The following KCNMB3 variants were observed in gnomAD, a reference collection of about 807,000 sequenced individuals.
KCNMB3 encodes calcium-activated potassium channel subunit beta-3.
In KCNMB3, 18 loss-of-function variants were observed where a neutral mutation model predicts 11.9. The observed-to-expected ratio is 1.51, with a 90% CI of 1.04 to 2.23. The LOEUF is 2.23. KCNMB3 is among the 30% of genes most tolerant of loss of function. The pLI, the probability that KCNMB3 is intolerant of heterozygous loss-of-function variation, is 0.00. For synonymous variants in KCNMB3, 78 were observed against 119.2 expected (o/e 0.65, Z 2.25); for missense variants, 247 against 329.4 (o/e 0.75, Z 1.94).
rs1418764438 is a variant in KCNMB3 at position 179,242,835 on chromosome 3, G to A, written c.*69C>T. 30 of 1,508,050 alleles carry A rather than the reference G, an allele frequency of 2.0e-5. No individual in the cohort carries two copies. The highest frequency in any genetic ancestry group is 2.5e-5 in the Non-Finnish European group (28 of 1,130,718). The allele number at this position is 1,508,050 out of a possible 1,614,324, so 93.4% of individuals were successfully genotyped here. A position where few individuals can be genotyped will look rare whatever the true frequency, so the allele number is the denominator to read the frequency against. On this transcript the variant is annotated 3_prime_UTR_variant, in exon 3 of 3. Transcript: ENST00000392685. The stretch of plus-strand genomic sequence containing the variant: ...TTTTACATTATTAGTTTGCAGACAG[G>A]CATAATTAGGTCCTCAGTTGCAGAA...
chr3:179,253,057 A>G (rs1725900206), upstream of KCNMB3, among the ~76,000 whole-genome samples: 4 of 152,090 alleles, frequency 2.6e-5, no homozygotes, highest in Admixed American at 2.6e-4. Flanking sequence ...AATAAATATG[A>G]CAGATTGATT....
Position 179,243,138 on chromosome 3 carries a change from T to A in KCNMB3, c.594A>T (p.Ile198=). 1 of 1,533,560 alleles carries A rather than the reference T, an allele frequency of 6.5e-7. No homozygotes were observed. The highest frequency in any genetic ancestry group is 1.4e-5 in the African/African-American group (1 of 72,440). 95.0% of individuals were successfully genotyped at this position (1,533,560 alleles called of 1,614,324 possible). A position where few individuals can be genotyped will look rare whatever the true frequency, so the allele number is the denominator to read the frequency against. Residue 198 remains isoleucine, a synonymous_variant, in exon 3 of 3, where the codon ATA becomes ATT. Transcript: ENST00000392685. ...AGATAGCCATTTGGTCATACTTTTT[T>A]ATAAGAATGACATCTTCAGATTGGC... ...PASQSEDVIL[I]KKYDQMAIFH... is the part of the protein sequence containing the mutation.
intron 1 of KCNMB3, among the ~76,000 whole-genome samples, chr3:179,262,167 C>G (rs1726234796): frequency 6.6e-6 from 1 of 152,102 alleles, no homozygotes; most frequent in Non-Finnish European, 1.5e-5. Context: ...CCTGAACAAA[C>G]CAGTAGGGTA....
chr3:179,261,363 C>T (rs1342422364), intron 1 of KCNMB3: 2 of 1,143,528 alleles, frequency 1.7e-6, no homozygotes, highest in Admixed American at 4.9e-5. Flanking sequence ...GGGGCGCGCG[C>T]TCTGTCCGCG....
At chr3:179,245,608 G>T (rs62408837) in intron 1 of KCNMB3, among the ~76,000 whole-genome samples, 39,485 of 151,760 alleles carry the variant, frequency 0.26, 6,125 homozygotes, top group African/African-American at 0.43. Flanking sequence ...CAAGCGATTC[G>T]CCTGCCTCAG....
At position 179,242,933 on chromosome 3, in the gene KCNMB3, T is replaced by G. The variant is rs761777843; in HGVS notation, c.799A>C (p.Arg267=). ...QHQFKLCIMR[R]SKGRAEKS is the part of the protein sequence containing the mutation. ...GATTTCTCTGCTCTTCCTTTGCTCC[T>G]CCTCATAATGCACAGTTTGAACTGA... The change falls in exon 3 of 3, where the codon AGG becomes CGG. Residue 267 remains arginine, a synonymous_variant. Coordinates refer to ENST00000392685, the MANE Select transcript of KCNMB3 (RefSeq NM_171830.2). 1.9e-6 allele frequency: 3 copies of G among 1,608,692 alleles called. No homozygotes were observed. Among genetic ancestry groups the G allele is most frequent in the Non-Finnish European group, 2.5e-6 (3 of 1,177,738 alleles).
At chr3:179,245,325 A>C (rs1177523317) in intron 1 of KCNMB3, among the ~76,000 whole-genome samples, 1 of 152,148 alleles carries the variant, frequency 6.6e-6, no homozygotes, top group African/African-American at 2.4e-5. Flanking sequence ...CATACCCACT[A>C]CTTCCAAAGA....
chr3:179,264,898 T>C (rs558825842), intron 1 of KCNMB3, among the ~76,000 whole-genome samples: 2 of 152,362 alleles, frequency 1.3e-5, no homozygotes, highest in Admixed American at 6.5e-5. Context: ...TTCTATTTTT[T>C]AATTACAACA....
upstream of KCNMB3, among the ~76,000 whole-genome samples, chr3:179,252,471 C>T (rs1725878959): frequency 6.6e-6 from 1 of 152,296 alleles, no homozygotes; most frequent in Non-Finnish European, 1.5e-5. Flanking sequence ...CCTTCCCTCT[C>T]CCTAGCTCCC....
At chr3:179,254,122 T>C (rs1725935703), upstream of KCNMB3, among the ~76,000 whole-genome samples, 1 of 152,166 alleles carries the variant, frequency 6.6e-6, no homozygotes, top group South Asian at 2.1e-4. Flanking sequence ...CAGGAGACAA[T>C]GTCCAGGGTC....
At chr3:179,266,983 C>CG, upstream of KCNMB3, 2 of 1,081,398 alleles carry the variant, frequency 1.8e-6, no homozygotes, top group Non-Finnish European at 2.3e-6. Context: ...GCCGAAGCTG[C>CG]TTCTCTCTCT....
chr3:179,260,678 A>G, intron 1 of KCNMB3: 1 of 1,367,128 alleles, frequency 7.3e-7, no homozygotes, highest in Non-Finnish European at 1.0e-6. Context: ...TTCTGAATTT[A>G]GGATTATTCC....
rs142005979 is a variant in KCNMB3 at position 179,260,397 on chromosome 3, T to C, written c.62+6252A>G. On this transcript the variant is annotated intron_variant, in intron 1 of 3. Transcript: ENST00000349697. ...TGGGGCAGTGTCTTCAGAGGATTTC[T>C]GGTCCTCGGTATTCTCACCAGCAGT... The C allele has an allele frequency of 1.6e-3, 2,596 of 1,613,996 alleles. 35 individuals carry two copies. In the African/African-American group the frequency reaches 0.03, roughly 19 times the overall value.
At chr3:179,256,256 C>T (rs1308850448), upstream of KCNMB3, among the ~76,000 whole-genome samples, 2 of 151,976 alleles carry the variant, frequency 1.3e-5, no homozygotes, top group Admixed American at 6.6e-5. Flanking sequence ...CCCAACATGG[C>T]GAAACCCCAT....
chr3:179,266,782 C>A, exon 1 of KCNMB3: 1 of 1,587,262 alleles, frequency 6.3e-7, no homozygotes, highest in African/African-American at 1.3e-5. Flanking sequence ...AAAGGTGAAG[C>A]TTAGACATCC....
intron 1 of KCNMB3, chr3:179,259,653 T>C: frequency 1.2e-6 from 2 of 1,609,362 alleles, no homozygotes; most frequent in Non-Finnish European, 1.7e-6. Flanking sequence ...ATCTGTGTTC[T>C]GATAAGTTAA....
At chr3:179,242,386 T>TC (rs1442639144), downstream of KCNMB3, 1 of 133,636 alleles carries the variant, frequency 7.5e-6, no homozygotes, top group Non-Finnish European at 1.6e-5. Flanking sequence ...CGAGCAAAAC[T>TC]CCATCTCAAA....
At chr3:179,256,158 G>A (rs752465696), upstream of KCNMB3, among the ~76,000 whole-genome samples, 5 of 152,194 alleles carry the variant, frequency 3.3e-5, no homozygotes, top group Admixed American at 6.5e-5. Context: ...ACTCTAGGCT[G>A]GACACAGTGG....
At chr3:179,259,759 A>C in intron 1 of KCNMB3, 1 of 1,601,460 alleles carries the variant, frequency 6.2e-7, no homozygotes, top group Non-Finnish European at 8.5e-7. Flanking sequence ...AATGAGTCCA[A>C]TGCCTCTCCC....
Sources: gnomAD v4.1 joint callset for allele counts (sites outside exome capture counted in the v4.1 genomes callset) on GRCh38, gnomAD v4.1.1 for gene constraint, MANE v1.5 for transcripts, NCBI Gene and HGNC (gene_info 2026-07-23, HGNC 2026-07-21) for gene names.